The following CTIF variants were observed in gnomAD, a reference collection of about 807,000 sequenced individuals.
The protein encoded by CTIF is cap binding complex dependent translation initiation factor.
Under a neutral mutation model 66.0 loss-of-function variants are expected in CTIF, and 21 were observed. That is an observed-to-expected ratio of 0.32 (90% confidence interval 0.23 to 0.46). CTIF has a LOEUF of 0.46. CTIF is among the 20% of genes least tolerant of loss of function. CTIF has a pLI of 1.00. For missense variants in CTIF, 739 were observed against 812.7 expected (o/e 0.91, Z 1.10); for synonymous variants, 345 against 326.4 (o/e 1.06, Z -0.62).
chr18:48,786,127 C>A (rs1285846099), intron 9 of CTIF, among the ~76,000 whole-genome samples: 1 of 152,136 alleles, frequency 6.6e-6, no homozygotes, highest in Non-Finnish European at 1.5e-5. Context: ...AGTGAGTGAT[C>A]CAACCAGCCA....
At chr18:48,612,886 T>C (rs2090332960) in intron 1 of CTIF, among the ~76,000 whole-genome samples, 1 of 152,018 alleles carries the variant, frequency 6.6e-6, no homozygotes, top group African/African-American at 2.4e-5. Context: ...GAAGCAGAAA[T>C]TGGGGTCTTC....
At chr18:48,709,862 T>G (rs1390492481) in intron 6 of CTIF, among the ~76,000 whole-genome samples, 1 of 152,254 alleles carries the variant, frequency 6.6e-6, no homozygotes, top group Non-Finnish European at 1.5e-5. Context: ...CATTCATGCT[T>G]TCTTGGCTAG....
At chr18:48,694,008 T>C (rs1372058073) in intron 6 of CTIF, among the ~76,000 whole-genome samples, 3 of 152,244 alleles carry the variant, frequency 2.0e-5, no homozygotes, top group Admixed American at 2.0e-4. Flanking sequence ...TTTTGGACTT[T>C]GTGTAAATTT....
intron 5 of CTIF, among the ~76,000 whole-genome samples, chr18:48,667,925 G>A (rs1375183154): frequency 3.3e-4 from 51 of 152,244 alleles, no homozygotes; most frequent in Non-Finnish European, 4.4e-5. Context: ...CCATGCGCCA[G>A]CCACTGCAGC....
At chr18:48,719,390 C>A (rs200390432) in intron 7 of CTIF, among the ~76,000 whole-genome samples, 28 of 152,198 alleles carry the variant, frequency 1.8e-4, no homozygotes, top group East Asian at 7.7e-4. Context: ...ATGACCAGGT[C>A]CCCCAGATCT....
intron 1 of CTIF, among the ~76,000 whole-genome samples, chr18:48,587,465 G>A (rs914109467): frequency 6.6e-6 from 1 of 151,782 alleles, no homozygotes; most frequent in African/African-American, 2.4e-5. Flanking sequence ...ACCACTGTGG[G>A]CATCATGGTG....
intron 7 of CTIF, among the ~76,000 whole-genome samples, chr18:48,725,159 G>T (rs1050025897): frequency 7.2e-5 from 11 of 152,170 alleles, no homozygotes; most frequent in African/African-American, 2.7e-4. Context: ...CAGATGGCTC[G>T]GCCTGGTCAC....
intron 1 of CTIF, among the ~76,000 whole-genome samples, chr18:48,590,746 G>A (rs932592285): frequency 2.0e-5 from 3 of 152,314 alleles, no homozygotes; most frequent in South Asian, 2.1e-4. Context: ...CATCCATTTC[G>A]GATGACTTCC....
At chr18:48,774,888 C>T (rs779802401) in intron 9 of CTIF, among the ~76,000 whole-genome samples, 39 of 152,074 alleles carry the variant, frequency 2.6e-4, no homozygotes, top group African/African-American at 5.8e-4. Context: ...TGAGCAGCTG[C>T]GTATTGGAGC....
chr18:48,844,545 C>T (rs1045746977), intron 10 of CTIF, among the ~76,000 whole-genome samples: 3 of 152,200 alleles, frequency 2.0e-5, no homozygotes, highest in African/African-American at 7.2e-5. Context: ...GCTAATTATT[C>T]CCTCTGGGGC....
rs542275563 is a variant in CTIF at position 48,704,235 on chromosome 18, C to T, written c.508-7384C>T. ...GACCATGTGCCTCAGAGATGGAAGACACAGGCTTCCTGCTAACTGGTTGGG... is the reference window on the plus strand; with the variant it reads ...GACCATGTGCCTCAGAGATGGAAGATACAGGCTTCCTGCTAACTGGTTGGG... On this transcript the variant is annotated intron_variant, in intron 6 of 11. Transcript: ENST00000256413. 2.0e-5 allele frequency among the ~76,000 whole-genome samples: 3 copies of T among 152,268 alleles called. No homozygotes were observed. The East Asian group carries it at 5.8e-4, about 29-fold the overall frequency.
chr18:48,644,254 G>C (rs1199561418), intron 3 of CTIF, among the ~76,000 whole-genome samples: 1 of 152,154 alleles, frequency 6.6e-6, no homozygotes, highest in Non-Finnish European at 1.5e-5. Context: ...GAGGGCTGCT[G>C]TACTCCAGGT....
chr18:48,602,214 C>T (rs2144146629), intron 1 of CTIF, among the ~76,000 whole-genome samples: 1 of 152,328 alleles, frequency 6.6e-6, no homozygotes, highest in Non-Finnish European at 1.5e-5. Flanking sequence ...AGGGTCTCAT[C>T]ATGATTTATT....
chr18:48,647,347 A>G (rs879806449), intron 3 of CTIF, among the ~76,000 whole-genome samples: 2 of 152,176 alleles, frequency 1.3e-5, no homozygotes, highest in African/African-American at 2.4e-5. Context: ...CAGCCTTGTG[A>G]TGGTGGGAGT....
At chr18:48,817,101 C>A in intron 9 of CTIF, 120 bp from the exon 10 acceptor site, 2 of 986,998 alleles carry the variant, frequency 2.0e-6, no homozygotes, top group Non-Finnish European at 2.9e-6. Context: ...TCATTTAAAA[C>A]ATGGGGTTTG....
chr18:48,674,428 TG>T (rs2091592338), intron 6 of CTIF, among the ~76,000 whole-genome samples: 1 of 152,210 alleles, frequency 6.6e-6, no homozygotes, highest in Non-Finnish European at 1.5e-5. Context: ...ACTGAATGCC[TG>T]TTGATCTCCT....
intron 7 of CTIF, among the ~76,000 whole-genome samples, chr18:48,735,040 T>G (rs1488078100): frequency 6.6e-6 from 1 of 152,214 alleles, no homozygotes; most frequent in Non-Finnish European, 1.5e-5. Flanking sequence ...TGTACAAGTA[T>G]GTATATGCAT....
At chr18:48,723,826 T>G (rs1275681259) in intron 7 of CTIF, among the ~76,000 whole-genome samples, 1 of 152,262 alleles carries the variant, frequency 6.6e-6, no homozygotes, top group African/African-American at 2.4e-5. Context: ...TAGCCATTTA[T>G]TCCAATGCAT....
At chr18:48,561,259 G>A (rs1252362188) in intron 1 of CTIF, among the ~76,000 whole-genome samples, 1 of 144,846 alleles carries the variant, frequency 6.9e-6, no homozygotes, top group African/African-American at 2.6e-5. Context: ...AAAAAAAGGA[G>A]TGTTTATAAA....
Sources: gnomAD v4.1 joint callset for allele counts (sites outside exome capture counted in the v4.1 genomes callset) on GRCh38, gnomAD v4.1.1 for gene constraint, MANE v1.5 for transcripts, NCBI Gene and HGNC (gene_info 2026-07-23, HGNC 2026-07-21) for gene names.